The following EXOC1 variants were observed in gnomAD, a reference collection of about 807,000 sequenced individuals.
EXOC1 encodes exocyst complex component 1.
EXOC1 carries 67 observed loss-of-function variants against 107.7 expected under a neutral mutation model. The ratio of observed to expected loss-of-function variants is 0.62; its 90% CI spans 0.51 to 0.76. The LOEUF (loss-of-function observed/expected upper bound fraction) is 0.76, where lower values mean the gene tolerates loss of function less well. Ranked by LOEUF, EXOC1 falls within the 30% of genes least tolerant of loss-of-function variation. EXOC1 has a pLI of 0.00. For synonymous variants in EXOC1, 348 were observed against 353.5 expected (o/e 0.98, Z 0.17); for missense variants, 833 against 1,055.7 (o/e 0.79, Z 2.92).
rs773943598 is a variant in EXOC1 at position 55,891,402 on chromosome 4, C to G, written c.1627C>G (p.Gln543Glu). The change falls in exon 13 of 19, where the codon CAA (glutamine) becomes GAA (glutamate). Residue 543 changes from glutamine (Q) to glutamate (E), a missense_variant. By Grantham distance (29) the Gln-to-Glu change is conservative. This residue lies in a region of EXOC1 where 617 missense variants were observed against 701.3 expected (regional missense o/e 0.88). Transcript: ENST00000381295. ...ISKFFKLQQH[Q>E]SMPGTMAEAE... ...TAAATTTTTCAAACTACAGCAACAT[C>G]AAAGTATGCCTGGAACTATGGTATG... is the stretch of plus-strand genomic sequence containing the variant. 4 of 1,610,478 alleles carry G rather than the reference C, an allele frequency of 2.5e-6. No homozygotes were observed. The South Asian group carries it at 3.3e-5, about 13-fold the overall frequency.
intron 9 of EXOC1, among the ~76,000 whole-genome samples, chr4:55,880,070 GA>G (rs1252013721): frequency 1.3e-5 from 2 of 152,040 alleles, no homozygotes; most frequent in Admixed American, 6.5e-5. Context: ...AGAGATTTAT[GA>G]AAAGTGTGAT....
intron 3 of EXOC1, among the ~76,000 whole-genome samples, chr4:55,863,434 GA>G (rs568023009): frequency 8.0e-4 from 122 of 152,156 alleles, no homozygotes; most frequent in African/African-American, 2.6e-3. Flanking sequence ...ATAACATGGG[GA>G]GATCTTGTCT....
rs967240132 is a variant in EXOC1 at position 55,887,673 on chromosome 4, C to G, written c.1331-1215C>G. The stretch of plus-strand genomic sequence containing the variant: ...ATGGGAGGCTGAGGTAGGAGGATCA[C>G]TTGAGCCCAGGAGTTCAGGTCCAGC... On this transcript the variant is annotated intron_variant, in intron 10 of 18. Coordinates refer to ENST00000381295, the MANE Select transcript of EXOC1 (RefSeq NM_001024924.2). 5.3e-5 allele frequency among the ~76,000 whole-genome samples: 8 copies of G among 151,036 alleles called. No homozygotes were observed. The South Asian group carries it at 6.3e-4, about 12-fold the overall frequency.
At chr4:55,862,748 CTTACT>C (rs1721593661) in intron 3 of EXOC1, among the ~76,000 whole-genome samples, 1 of 152,156 alleles carries the variant, frequency 6.6e-6, no homozygotes, top group African/African-American at 2.4e-5. Context: ...TATAACTTCC[CTTACT>C]TTAATGTATT....
chr4:55,883,478 C>T, intron 9 of EXOC1: 1 of 173,318 alleles, frequency 5.8e-6, no homozygotes, highest in Non-Finnish European at 1.2e-5. Flanking sequence ...AAACTGAATA[C>T]TGTGCTGTCA....
intron 18 of EXOC1, among the ~76,000 whole-genome samples, chr4:55,903,169 GAAAGAAAGAA>G (rs1454066242): frequency 4.9e-5 from 7 of 144,184 alleles, no homozygotes; most frequent in South Asian, 2.2e-4. Context: ...AAAAAAGAAA[GAAAGAAAGAA>G]AAAGAAAGAA....
At chr4:55,885,587 A>G (rs1723802590) in intron 10 of EXOC1, 2 of 152,214 alleles carry the variant, frequency 1.3e-5, no homozygotes, top group Non-Finnish European at 2.9e-5. Flanking sequence ...TTGAGTGCAT[A>G]GAAAATTGTG....
intron 17 of EXOC1, 136 bp downstream of exon 17, chr4:55,900,020 A>C (rs1383262056): frequency 9.7e-6 from 6 of 619,690 alleles, no homozygotes; most frequent in Non-Finnish European, 1.6e-5. Flanking sequence ...TGAAGCTGCC[A>C]GTGTGCCAGA....
At chr4:55,855,543 T>C (rs1246235281) in intron 1 of EXOC1, among the ~76,000 whole-genome samples, 2 of 152,156 alleles carry the variant, frequency 1.3e-5, no homozygotes, top group African/African-American at 2.4e-5. Flanking sequence ...CTACTTTTAA[T>C]AGGGGATAAA....
intron 10 of EXOC1, among the ~76,000 whole-genome samples, chr4:55,887,882 C>G (rs1724077503): frequency 6.6e-6 from 1 of 152,134 alleles, no homozygotes; most frequent in South Asian, 2.1e-4. Flanking sequence ...AATGTCCAGC[C>G]TTGTTTTTTC....
At chr4:55,861,006 G>A (rs568571829) in intron 3 of EXOC1, among the ~76,000 whole-genome samples, 1 of 150,572 alleles carries the variant, frequency 6.6e-6, no homozygotes, top group African/African-American at 2.4e-5. Context: ...CTTATTTTAA[G>A]GAATGTAGAT....
chr4:55,904,825 G>A lies in EXOC1; in HGVS notation c.*330G>A, dbSNP rs1726425800. On this transcript the variant is annotated 3_prime_UTR_variant, in exon 19 of 19. Transcript: ENST00000381295. ...GGTTGTCCTATGAGCAATGCATTTG[G>A]AGTTCTTCAGCTTTCACTACTTCTC... is the stretch of plus-strand genomic sequence containing the variant. 5.5e-6 allele frequency: 1 copy of A among 182,068 alleles called. No homozygotes were observed. Among genetic ancestry groups the A allele is most frequent in the African/African-American group, 2.3e-5 (1 of 42,672 alleles). 11.3% of individuals were successfully genotyped at this position (182,068 alleles called of 1,614,324 possible).
chr4:55,896,845 T>G lies in EXOC1; in HGVS notation c.2082T>G (p.Arg694=). Residue 694 remains arginine (R), a synonymous_variant, in exon 16 of 19, where the codon CGT becomes CGG. Coordinates refer to ENST00000381295, the MANE Select transcript of EXOC1 (RefSeq NM_001024924.2). ...LAESIFKNAE[R]RGDLDKAYTK... is the part of the protein sequence containing the mutation. ...AATCAATCTTCAAAAATGCTGAGCG[T>G]CGTGGAGACCTGGATAAAGCATACA... The G allele has an allele frequency of 1.2e-6, 2 of 1,611,510 alleles. No individual in the cohort carries two copies. Among genetic ancestry groups the G allele is most frequent in the South Asian group, 1.1e-5 (1 of 90,354 alleles).
At chr4:55,854,798 G>GT (rs1433938013) in intron 1 of EXOC1, among the ~76,000 whole-genome samples, 1 of 152,160 alleles carries the variant, frequency 6.6e-6, no homozygotes, top group East Asian at 1.9e-4. Context: ...CATTTGACCA[G>GT]TTTTTACTAT....
At chr4:55,900,235 A>G (rs541610310) in intron 17 of EXOC1, among the ~76,000 whole-genome samples, 2 of 152,324 alleles carry the variant, frequency 1.3e-5, no homozygotes, top group East Asian at 3.9e-4. Flanking sequence ...CTTGCCCGAC[A>G]TCATAATAGC....
intron 2 of EXOC1, 138 bp downstream of exon 2, chr4:55,858,585 G>T: frequency 1.2e-6 from 1 of 826,944 alleles, no homozygotes; most frequent in Non-Finnish European, 1.7e-6. Flanking sequence ...TTAACACTTG[G>T]CTTTGACAGG....
chr4:55,902,623 A>T, intron 18 of EXOC1, 85 bp downstream of exon 18: 5 of 1,112,316 alleles, frequency 4.5e-6, no homozygotes, highest in Non-Finnish European at 6.0e-6. Flanking sequence ...AATGCTACAG[A>T]TCTAGAGCAG....
At chr4:55,863,719 C>T (rs898896533) in intron 3 of EXOC1, among the ~76,000 whole-genome samples, 1 of 152,162 alleles carries the variant, frequency 6.6e-6, no homozygotes, top group Non-Finnish European at 1.5e-5. Context: ...CTCTGCTTTT[C>T]ACCTCACTTG....
intron 8 of EXOC1, chr4:55,875,480 C>G (rs1400705229): frequency 1.0e-6 from 1 of 978,906 alleles, no homozygotes; most frequent in Non-Finnish European, 1.2e-6. Context: ...GTCACTATAG[C>G]AAAGTGCTTA....
Sources: allele counts gnomAD v4.1 joint callset (sites outside exome capture counted in the v4.1 genomes callset), GRCh38; gene constraint gnomAD v4.1.1; regional missense constraint gnomAD v4.1.1; transcripts MANE v1.5; gene names NCBI Gene and HGNC (gene_info 2026-07-23, HGNC 2026-07-21).